Variants in LRSAM1 observed in about 807,000 individuals in gnomAD.
LRSAM1 encodes the protein leucine rich repeat and sterile alpha motif containing 1.
A neutral mutation model predicts 118.1 loss-of-function variants in LRSAM1; 96 were observed. The ratio of observed to expected loss-of-function variants is 0.81; its 90% CI spans 0.69 to 0.96. LRSAM1 has a LOEUF of 0.96. LRSAM1 is among the 40% of genes least tolerant of loss of function. LRSAM1 has a pLI of 0.00. For synonymous variants in LRSAM1, 322 were observed against 364.2 expected, an observed-to-expected ratio of 0.88 and a Z score of 1.32; for missense variants, 804 against 915.5, an observed-to-expected ratio of 0.88 and a Z score of 1.57.
chr9:127,497,154 T>G (rs1046656708), intron 23 of LRSAM1, 99 bp from the exon 24 acceptor site: 1 of 1,190,316 alleles, frequency 8.4e-7, no homozygotes, highest in Non-Finnish European at 1.2e-6. Flanking sequence ...CAGCAGGAGG[T>G]GTCGACGGTC....
chr9:127,459,115 A>G, intron 7 of LRSAM1, 44 bp downstream of exon 7: 26 of 1,575,466 alleles, frequency 1.7e-5, no homozygotes, highest in Non-Finnish European at 2.2e-5. Context: ...GGCCTTAGTG[A>G]GACCAGGCAG....
intron 18 of LRSAM1, among the ~76,000 whole-genome samples, chr9:127,488,725 C>T (rs961797917): frequency 2.6e-5 from 4 of 151,762 alleles, no homozygotes; most frequent in Non-Finnish European, 5.9e-5. Flanking sequence ...TCCTGAGTAG[C>T]GGAGACCACA....
At position 127,494,981 on chromosome 9, in the gene LRSAM1, C is replaced by T. The variant is rs543168598; in HGVS notation, c.1600-339C>T. On this transcript the variant is annotated intron_variant, in intron 21 of 25. Coordinates refer to ENST00000300417, the MANE Select transcript of LRSAM1 (RefSeq NM_001005373.4). ...GTTTTGTTTTTTTGAGACGGAGTTT[C>T]GCTCTTGTTGCCCAGGCTGGAGTGC... is the stretch of plus-strand genomic sequence containing the variant. Among the ~76,000 whole-genome samples, 27 of 152,238 alleles carry T rather than the reference C, an allele frequency of 1.8e-4. 1 individual carries two copies. In the South Asian group the frequency reaches 4.8e-3, roughly 27 times the overall value.
chr9:127,492,963 T>C, intron 21 of LRSAM1, 66 bp downstream of exon 21: 1 of 1,292,594 alleles, frequency 7.7e-7, no homozygotes. Context: ...GACTTGCCAT[T>C]TTTAGAAACA....
At position 127,457,393 on chromosome 9, in the gene LRSAM1, G is replaced by A. The variant is rs1327808847; in HGVS notation, c.252G>A (p.Lys84=). Residue 84 remains lysine (K), a splice_region_variant and synonymous_variant, in exon 6 of 26, where the codon AAG becomes AAA. Coordinates refer to ENST00000300417, the MANE Select transcript of LRSAM1 (RefSeq NM_001005373.4). The part of the protein sequence containing the change: ...SCSLLSLATI[K]VLDLHDNQLT... ...GCCTCCTGAGTCTGGCAACCATCAAGGTACTGGGCCCTCCTCCCAGGCAGC... is the reference window on the plus strand; with the variant it reads ...GCCTCCTGAGTCTGGCAACCATCAAAGTACTGGGCCCTCCTCCCAGGCAGC... 1.2e-6 allele frequency: 2 copies of A among 1,614,084 alleles called. No individual in the cohort carries two copies. Among genetic ancestry groups the A allele is most frequent in the Non-Finnish European group, 8.5e-7 (1 of 1,179,958 alleles).
chr9:127,482,894 G>T (rs544382632), intron 15 of LRSAM1, 56 bp from the exon 16 acceptor site: 16 of 1,505,176 alleles, frequency 1.1e-5, no homozygotes, highest in South Asian at 4.8e-5. Context: ...TCATCTGCTG[G>T]GATTCCCTGT....
intron 19 of LRSAM1, 143 bp downstream of exon 19, chr9:127,489,661 C>T: frequency 2.3e-6 from 2 of 885,670 alleles, no homozygotes; most frequent in East Asian, 2.7e-5. Context: ...GCCTTGCCCT[C>T]AGAACCTCCC....
At chr9:127,459,130 T>C in intron 7 of LRSAM1, 59 bp downstream of exon 7, 1 of 1,525,014 alleles carries the variant, frequency 6.6e-7, no homozygotes, top group East Asian at 2.3e-5. Flanking sequence ...AGGCAGTCAC[T>C]CAAGCCTGGA....
At chr9:127,499,128 TTTGGGAGGCCTAC>T (rs1339095791) in intron 24 of LRSAM1, among the ~76,000 whole-genome samples, 2 of 150,964 alleles carry the variant, frequency 1.3e-5, no homozygotes, top group African/African-American at 4.9e-5. Context: ...AATCCCACAC[TTTGGGAGGCCTAC>T]GTGGGAGGAT....
At chr9:127,477,755 A>C (rs116791639) in intron 11 of LRSAM1, among the ~76,000 whole-genome samples, 1,575 of 150,510 alleles carry the variant, frequency 0.01, 37 homozygotes, top group African/African-American at 0.036. Context: ...CACAAAGAAA[A>C]AACTTGTGTG....
chr9:127,497,791 G>A (rs1245503533), intron 24 of LRSAM1, among the ~76,000 whole-genome samples: 1 of 152,218 alleles, frequency 6.6e-6, no homozygotes, highest in African/African-American at 2.4e-5. Context: ...GGGAGAAGGG[G>A]CAGGTGTGGA....
In LRSAM1 at chr9:127,465,527, C is replaced by G. The variant is rs1296356989; in HGVS notation, c.529-2213C>G. On this transcript the variant is annotated intron_variant, in intron 9 of 25. Coordinates refer to ENST00000300417, the MANE Select transcript of LRSAM1 (RefSeq NM_001005373.4). The surrounding 1 kb of genome is among the most constrained non-coding windows in gnomAD (Gnocchi z 4.1). ...GCACCCATGTGGGGTTCATTTGCTT[C>G]CAGGTATGGGGTTTTCTGCTGTTGG... Among the ~76,000 whole-genome samples, 1 of 152,218 alleles carries G rather than the reference C, an allele frequency of 6.6e-6. No individual in the cohort carries two copies. The highest frequency in any genetic ancestry group is 2.4e-5 in the African/African-American group (1 of 41,456).
intron 20 of LRSAM1, 99 bp from the exon 21 acceptor site, chr9:127,492,703 C>T (rs767289616): frequency 7.2e-6 from 8 of 1,110,866 alleles, no homozygotes; most frequent in Non-Finnish European, 1.1e-5. Context: ...GGGCAGAGAA[C>T]CGAGTGAGCG....
At chr9:127,453,519 C>G (rs1212577841) in intron 2 of LRSAM1, 1 of 152,382 alleles carries the variant, frequency 6.6e-6, no homozygotes, top group Non-Finnish European at 1.5e-5. Context: ...CCCTGAGGTC[C>G]TGGCTGGCTC....
intron 23 of LRSAM1, among the ~76,000 whole-genome samples, chr9:127,496,494 C>T (rs1277174159): frequency 6.6e-6 from 1 of 152,274 alleles, no homozygotes; most frequent in African/African-American, 2.4e-5. Flanking sequence ...CATTAATCCA[C>T]TTATTCTTCA....
chr9:127,497,101 C>T lies in LRSAM1; in HGVS notation c.1831-152C>T, dbSNP rs1836175785. ...AGCTATGGTGCCGCACTGCCTCATC[C>T]TGACCGTGGGCCCCGCCAGGCCCCG... On this transcript the variant is annotated intron_variant, in intron 23 of 25. Transcript: ENST00000300417. 4.1e-6 allele frequency: 3 copies of T among 737,662 alleles called. No individual in the cohort carries two copies. In the African/African-American group the frequency reaches 5.2e-5, roughly 13 times the overall value. The allele number at this position is 737,662 out of a possible 1,614,324, so 45.7% of individuals were successfully genotyped here.
chr9:127,499,205 T>G (rs1225675446), intron 24 of LRSAM1, among the ~76,000 whole-genome samples: 2 of 151,990 alleles, frequency 1.3e-5, no homozygotes, highest in Non-Finnish European at 2.9e-5. Context: ...AGACCCCTTC[T>G]CTACAAAAAA....
chr9:127,473,637 C>G (rs753620889), intron 10 of LRSAM1, among the ~76,000 whole-genome samples, 164 bp from the exon 11 acceptor site: 30 of 152,210 alleles, frequency 2.0e-4, no homozygotes, highest in Non-Finnish European at 4.0e-4. Flanking sequence ...ACATTCCAGG[C>G]CCAGGGCTAG....
intron 24 of LRSAM1, 78 bp downstream of exon 24, chr9:127,497,412 T>G (rs1201139625): frequency 7.0e-7 from 1 of 1,418,716 alleles, no homozygotes; most frequent in Non-Finnish European, 9.8e-7. Flanking sequence ...GTCATTTGCT[T>G]ACATTTCAGG....
Sources: gnomAD v4.1 joint callset for allele counts (sites outside exome capture counted in the v4.1 genomes callset) on GRCh38, gnomAD v4.1.1 for gene constraint, Gnocchi (gnomAD v3.1) non-coding constraint, MANE v1.5 for transcripts, NCBI Gene and HGNC (gene_info 2026-07-23, HGNC 2026-07-21) for gene names.